TRRAP: variants seen among roughly 807,000 people sequenced by gnomAD.
TRRAP encodes transformation/transcription domain-associated protein.
A neutral mutation model predicts 438.8 loss-of-function variants in TRRAP; 41 were observed. The ratio of observed to expected loss-of-function variants is 0.09; its 90% CI spans 0.07 to 0.12. The LOEUF (loss-of-function observed/expected upper bound fraction) is 0.12. TRRAP is among the 10% of genes least tolerant of loss of function. The pLI is 1.00. For missense variants in TRRAP, 3,122 were observed against 5,055.1 expected (o/e 0.62, Z 11.60); for synonymous variants, 1,994 against 1,962.9 (o/e 1.02, Z -0.42).
chr7:98,975,197 G>T (rs1791432260), intron 53 of TRRAP, among the ~76,000 whole-genome samples: 1 of 152,216 alleles, frequency 6.6e-6, no homozygotes, highest in African/African-American at 2.4e-5. Context: ...TTACCTAAAT[G>T]TTTTCACCCA....
At chr7:98,903,244 T>C in intron 11 of TRRAP, 135 bp from the exon 12 acceptor site, 1 of 1,036,152 alleles carries the variant, frequency 9.7e-7, no homozygotes. Flanking sequence ...CTAGTCTTGA[T>C]CTCCTGACCT....
intron 43 of TRRAP, 119 bp from the exon 44 acceptor site, chr7:98,957,862 C>G (rs1340975849): frequency 2.4e-6 from 2 of 829,082 alleles, no homozygotes; most frequent in Non-Finnish European, 4.0e-6. Context: ...TCCCCAGCGC[C>G]CAGAGCTGCC....
In TRRAP at chr7:99,008,596, G is replaced by A. The variant is rs563651869; in HGVS notation, c.10938+35G>A. 64 of 1,605,642 alleles carry A rather than the reference G, an allele frequency of 4.0e-5. 1 individual carries two copies. The East Asian group carries it at 4.5e-4, about 11-fold the overall frequency. On this transcript the variant is annotated intron_variant, in intron 70 of 72. Transcript: ENST00000456197. The stretch of plus-strand genomic sequence containing the variant: ...GGGCCGGGCCGGGGGCCGAGCTGCC[G>A]CCTGCAGCCCTCCTGTGTGGGGCAG...
chr7:98,944,290 A>C (rs1790941877), intron 31 of TRRAP, among the ~76,000 whole-genome samples: 1 of 152,154 alleles, frequency 6.6e-6, no homozygotes, highest in Non-Finnish European at 1.5e-5. Context: ...TTAAAAAAAA[A>C]CCTAGTGGGT....
At position 98,899,748 on chromosome 7, in the gene TRRAP, C is replaced by A; in HGVS notation, c.781C>A (p.Gln261Lys). The change falls in exon 10 of 73, where the codon CAG becomes AAG. Residue 261 changes from glutamine to lysine, a missense_variant. By Grantham distance (53) the Gln-to-Lys change is moderately conservative (BLOSUM62 1). Transcript: ENST00000456197. ...CTTGATCATGAACACCATTGCCATT[C>A]AGGTGTCTGCACAAGCGAGGTGAGG... ...VPLIMNTIAI[Q>K]VSAQARQHKL... 1 of 1,614,160 alleles carries A rather than the reference C, an allele frequency of 6.2e-7. No individual in the cohort carries two copies. Among genetic ancestry groups the A allele is most frequent in the South Asian group, 1.1e-5 (1 of 91,082 alleles).
intron 27 of TRRAP, among the ~76,000 whole-genome samples, chr7:98,933,958 T>C (rs1485077863): frequency 6.6e-6 from 1 of 152,216 alleles, no homozygotes; most frequent in East Asian, 1.9e-4. Flanking sequence ...AAGCCAGGAC[T>C]GTTATTTAGA....
At chr7:98,917,950 C>T (rs1314605227) in intron 20 of TRRAP, among the ~76,000 whole-genome samples, 3 of 151,718 alleles carry the variant, frequency 2.0e-5, no homozygotes, top group Admixed American at 1.3e-4. Context: ...GGTGAAAACC[C>T]ATCTCTACAA....
chr7:98,942,648 C>G (rs543919928), intron 30 of TRRAP, among the ~76,000 whole-genome samples: 13 of 152,312 alleles, frequency 8.5e-5, no homozygotes, highest in African/African-American at 2.6e-4. Context: ...GCCGACACTT[C>G]CAAGCACTCA....
intron 53 of TRRAP, among the ~76,000 whole-genome samples, chr7:98,974,507 AC>A (rs1038672918): frequency 6.6e-6 from 1 of 152,142 alleles, no homozygotes; most frequent in African/African-American, 2.4e-5. Flanking sequence ...CTGTGGGGCC[AC>A]CACGGGGTCC....
intron 23 of TRRAP, among the ~76,000 whole-genome samples, chr7:98,927,815 T>C (rs555349305): frequency 6.6e-6 from 1 of 152,154 alleles, no homozygotes; most frequent in East Asian, 1.9e-4. Flanking sequence ...GGATCCTCAT[T>C]CTGCTGTTCC....
chr7:98,955,076 A>C, intron 40 of TRRAP, 22 bp from the exon 41 acceptor site: 1 of 1,601,162 alleles, frequency 6.2e-7, no homozygotes, highest in Non-Finnish European at 8.5e-7. Flanking sequence ...CATCCTCCAT[A>C]AACGTCTCTT....
intron 1 of TRRAP, 123 bp downstream of exon 1, chr7:98,878,760 G>A (rs1795278796): frequency 6.6e-6 from 1 of 152,060 alleles, no homozygotes; most frequent in African/African-American, 2.4e-5. Context: ...AGCGCCCCGG[G>A]ATCCCCTAGG....
At chr7:98,922,876 A>G (rs111540957) in intron 21 of TRRAP, among the ~76,000 whole-genome samples, 9 of 152,042 alleles carry the variant, frequency 5.9e-5, no homozygotes, top group African/African-American at 1.9e-4. Flanking sequence ...GGGTGTGTTT[A>G]CCTTTGTAGA....
At chr7:98,977,373 G>A (rs951915857) in intron 56 of TRRAP, among the ~76,000 whole-genome samples, 1 of 152,160 alleles carries the variant, frequency 6.6e-6, no homozygotes, top group Admixed American at 6.5e-5. Context: ...TGTTGGCCGT[G>A]CTGGTCTCGA....
chr7:98,930,247 T>C (rs1790261727), intron 24 of TRRAP, 41 bp downstream of exon 24: 2 of 1,605,048 alleles, frequency 1.2e-6, no homozygotes, highest in East Asian at 4.5e-5. Flanking sequence ...TTGGAGGGTG[T>C]CTGTACCTGA....
chr7:99,012,199 G>T lies in TRRAP; in HGVS notation c.11466G>T (p.Val3822=), dbSNP rs974289091. The T allele has an allele frequency of 6.2e-7, 1 of 1,614,174 alleles. No homozygotes were observed. The highest frequency in any genetic ancestry group is 1.3e-5 in the African/African-American group (1 of 75,062). The change falls in exon 73 of 73, where the codon GTG becomes GTT. Residue 3822 remains valine, a synonymous_variant. Transcript: ENST00000456197. The surrounding 1 kb of genome is among the most constrained non-coding windows in gnomAD (Gnocchi z 5.9). ...AGAACATGGACAGCCAGCAACTGGT[G>T]TCCCTGGTTCAGAAAGCCGTCACCG... is the stretch of plus-strand genomic sequence containing the variant. The part of the protein sequence containing the change: ...QPENMDSQQL[V]SLVQKAVTAI...
At chr7:98,880,957 C>A (rs1476940244) in intron 1 of TRRAP, 133 bp from the exon 2 acceptor site, 5 of 412,068 alleles carry the variant, frequency 1.2e-5, no homozygotes, top group Non-Finnish European at 1.7e-5. Context: ...ATTAAAAAAA[C>A]CAGAAGGAAT....
At chr7:98,965,475 C>G (rs1249508997) in intron 48 of TRRAP, among the ~76,000 whole-genome samples, 2 of 152,134 alleles carry the variant, frequency 1.3e-5, no homozygotes, top group African/African-American at 2.4e-5. Context: ...GCCACCTGCA[C>G]TGGTCCGTCA....
intron 53 of TRRAP, 181 bp from the exon 54 acceptor site, chr7:98,975,968 T>A: frequency 1.3e-6 from 1 of 776,024 alleles, no homozygotes; most frequent in Non-Finnish European, 1.9e-6. Context: ...GCACCATGGC[T>A]TCCCACCACT....
Sources: allele counts gnomAD v4.1 joint callset (sites outside exome capture counted in the v4.1 genomes callset), GRCh38; gene constraint gnomAD v4.1.1; non-coding constraint Gnocchi (gnomAD v3.1); transcripts MANE v1.5; gene names NCBI Gene and HGNC (gene_info 2026-07-23, HGNC 2026-07-21).